CNTN5: variants seen among roughly 807,000 people sequenced by gnomAD.
CNTN5 encodes contactin 5, also known as contactin-5.
In CNTN5, 77 loss-of-function variants were observed where a neutral mutation model predicts 129.1. That is an observed-to-expected ratio of 0.60 (90% confidence interval 0.50 to 0.72). The LOEUF (loss-of-function observed/expected upper bound fraction) is 0.72. CNTN5 is among the 30% of genes least tolerant of loss of function. CNTN5 has a pLI of 0.00. For missense variants in CNTN5, 1,478 were observed against 1,328.8 expected, an observed-to-expected ratio of 1.11 and a Z score of -1.75; for synonymous variants, 509 against 465.6, an observed-to-expected ratio of 1.09 and a Z score of -1.20.
At chr11:99,743,963 A>G (rs993959769) in intron 3 of CNTN5, among the ~76,000 whole-genome samples, 1 of 152,168 alleles carries the variant, frequency 6.6e-6, no homozygotes, top group Non-Finnish European at 1.5e-5. Flanking sequence ...AAGCACAAAA[A>G]TGAGAAATGT....
At chr11:100,151,350 C>A (rs938394169) in intron 13 of CNTN5, among the ~76,000 whole-genome samples, 5 of 151,954 alleles carry the variant, frequency 3.3e-5, no homozygotes, top group African/African-American at 9.7e-5. Context: ...CAGCAGTGAG[C>A]AAGAGACAAA....
chr11:99,667,152 T>A (rs1023156304), intron 3 of CNTN5, among the ~76,000 whole-genome samples: 1 of 152,084 alleles, frequency 6.6e-6, no homozygotes, highest in African/African-American at 2.4e-5. Flanking sequence ...TATCCTTGAA[T>A]CATAGTTGTT....
intron 2 of CNTN5, among the ~76,000 whole-genome samples, chr11:99,474,468 C>T (rs892470706): frequency 6.6e-6 from 1 of 151,936 alleles, no homozygotes; most frequent in Non-Finnish European, 1.5e-5. Flanking sequence ...TTATTATTAC[C>T]ATTATCATTG....
chr11:99,821,862 A>G (rs1946812652), intron 4 of CNTN5, among the ~76,000 whole-genome samples: 1 of 152,174 alleles, frequency 6.6e-6, no homozygotes, highest in African/African-American at 2.4e-5. Flanking sequence ...AACCAATTTA[A>G]TATCATTTGG....
chr11:99,727,586 T>A lies in CNTN5; in HGVS notation c.56-91958T>A, dbSNP rs536576691. Among the ~76,000 whole-genome samples, 17 of 130,464 alleles carry A rather than the reference T, an allele frequency of 1.3e-4. No individual in the cohort carries two copies. In the South Asian group the frequency reaches 5.0e-3, roughly 38 times the overall value. The allele number at this position is 130,464 out of a possible 152,430, so 85.6% of individuals were successfully genotyped here. On this transcript the variant is annotated intron_variant, in intron 3 of 24. Coordinates refer to ENST00000524871, the MANE Select transcript of CNTN5 (RefSeq NM_014361.4). ...TCCCATTTCCAAGTAGAACTTAAATTACTATTGTCCTTTAATGAAAAAAAT... is the reference window on the plus strand; with the variant it reads ...TCCCATTTCCAAGTAGAACTTAAATAACTATTGTCCTTTAATGAAAAAAAT...
chr11:99,866,022 T>C (rs183509360), intron 6 of CNTN5, among the ~76,000 whole-genome samples: 153 of 152,338 alleles, frequency 1.0e-3, no homozygotes, highest in African/African-American at 3.5e-3. Context: ...TATGTTATAC[T>C]GCATAATTCA....
intron 1 of CNTN5, among the ~76,000 whole-genome samples, chr11:99,229,379 A>G (rs770867363): frequency 5.3e-5 from 8 of 152,044 alleles, no homozygotes; most frequent in Non-Finnish European, 7.4e-5. Context: ...GGTGTTTTGT[A>G]TATAAATGAT....
chr11:99,705,187 T>C (rs1277714280), intron 3 of CNTN5, among the ~76,000 whole-genome samples: 2 of 151,338 alleles, frequency 1.3e-5, no homozygotes, highest in Non-Finnish European at 3.0e-5. Context: ...TTCTAGAAGA[T>C]TGTGCTTTAT....
rs561510558 is a variant in CNTN5, at chr11:100,127,876, G to A, written c.1580+53582G>A. Among the ~76,000 whole-genome samples the A allele has an allele frequency of 2.1e-4, 32 of 151,806 alleles. No homozygotes were observed. The South Asian group carries it at 4.6e-3, about 22-fold the overall frequency. ...AAGTTTCACCATCTTGGCCAGGCTG[G>A]TCTTGAACTCCTGACCTCAGGTGAT... On this transcript the variant is annotated intron_variant, in intron 13 of 24. Coordinates refer to ENST00000524871, the MANE Select transcript of CNTN5 (RefSeq NM_014361.4).
At chr11:100,186,613 C>A (rs917492778) in intron 13 of CNTN5, among the ~76,000 whole-genome samples, 25 of 152,046 alleles carry the variant, frequency 1.6e-4, no homozygotes, top group African/African-American at 5.6e-4. Flanking sequence ...GTCTAGAGAC[C>A]AGGACATAAG....
chr11:100,040,842 T>A (rs150838917), intron 9 of CNTN5, among the ~76,000 whole-genome samples: 16,081 of 152,114 alleles, frequency 0.11, 919 homozygotes, highest in East Asian at 0.18. Flanking sequence ...AGTTTTAGGG[T>A]GGGAGTGATC....
chr11:99,671,274 T>C (rs1022302635), intron 3 of CNTN5, among the ~76,000 whole-genome samples: 1 of 152,172 alleles, frequency 6.6e-6, no homozygotes, highest in Non-Finnish European at 1.5e-5. Context: ...TTGGTCGTTA[T>C]GATATTGCCA....
chr11:99,629,682 CT>C (rs67247416), intron 3 of CNTN5, among the ~76,000 whole-genome samples: 92,353 of 151,252 alleles, frequency 0.61, 29,080 homozygotes, highest in Admixed American at 0.74. Context: ...ATTCTTACTA[CT>C]CGATGTTTAT....
intron 4 of CNTN5, among the ~76,000 whole-genome samples, chr11:99,843,902 T>C (rs1420460644): frequency 2.6e-5 from 4 of 152,196 alleles, no homozygotes; most frequent in African/African-American, 9.7e-5. Flanking sequence ...CACTATGCTA[T>C]AGATCTTAGA....
chr11:100,284,275 C>T (rs192850543), intron 18 of CNTN5, among the ~76,000 whole-genome samples: 1 of 152,330 alleles, frequency 6.6e-6, no homozygotes, highest in East Asian at 1.9e-4. Flanking sequence ...TTATGTGTAG[C>T]AGTGTCCTTG....
At chr11:99,269,328 CAT>C (rs1555096216) in intron 1 of CNTN5, among the ~76,000 whole-genome samples, 1 of 151,346 alleles carries the variant, frequency 6.6e-6, no homozygotes, top group Non-Finnish European at 1.5e-5. Flanking sequence ...ATATACATGA[CAT>C]ATTTTTATTT....
intron 13 of CNTN5, among the ~76,000 whole-genome samples, chr11:100,108,884 A>G (rs186847958): frequency 1.3e-5 from 2 of 152,212 alleles, no homozygotes; most frequent in Non-Finnish European, 2.9e-5. Context: ...AGATCAAAGT[A>G]ATTTGCAGCA....
chr11:99,407,984 T>A (rs1942166504), intron 2 of CNTN5, among the ~76,000 whole-genome samples: 1 of 152,130 alleles, frequency 6.6e-6, no homozygotes. Flanking sequence ...TTTCTACCTG[T>A]TCAGTGCCTC....
At chr11:99,668,612 T>G (rs1952898484) in intron 3 of CNTN5, among the ~76,000 whole-genome samples, 1 of 152,142 alleles carries the variant, frequency 6.6e-6, no homozygotes, top group African/African-American at 2.4e-5. Context: ...CCACATTTAT[T>G]ATACTCTCAG....
Sources: gnomAD v4.1 joint callset for allele counts (sites outside exome capture counted in the v4.1 genomes callset) on GRCh38, gnomAD v4.1.1 for gene constraint, MANE v1.5 for transcripts, NCBI Gene and HGNC (gene_info 2026-07-23, HGNC 2026-07-21) for gene names.